Variants in EXOC4 observed in about 807,000 individuals in gnomAD.
EXOC4 encodes exocyst complex component 4.
EXOC4 carries 71 observed loss-of-function variants against 107.2 expected under a neutral mutation model. The observed-to-expected ratio is 0.66, with a 90% confidence interval of 0.55 to 0.81. EXOC4 has a LOEUF of 0.81. Ranked by LOEUF, EXOC4 falls within the 30% of genes least tolerant of loss-of-function variation. EXOC4 has a pLI of 0.00. For synonymous variants in EXOC4, 456 were observed against 441.2 expected (o/e 1.03, Z -0.42); for missense variants, 1,108 against 1,189.6 (o/e 0.93, Z 1.01).
Position 133,305,867 on chromosome 7 carries a change from C to G in EXOC4, c.472-10C>G, listed in dbSNP as rs780737574. ...GTACTTAATTGTCTTTCATTTTTTT[C>G]TCTTTTCAGGTGTCAGCAGTTGAGT... is the stretch of plus-strand genomic sequence containing the variant. On this transcript the variant is annotated splice_polypyrimidine_tract_variant and intron_variant, in intron 3 of 17. Transcript: ENST00000253861. 18 of 1,553,902 alleles carry G rather than the reference C, an allele frequency of 1.2e-5. No individual in the cohort carries two copies. In the African/African-American group the frequency reaches 2.4e-4, roughly 20 times the overall value.
intron 7 of EXOC4, among the ~76,000 whole-genome samples, chr7:133,389,334 G>T (rs929358729): frequency 6.6e-6 from 1 of 152,100 alleles, no homozygotes; most frequent in Non-Finnish European, 1.5e-5. Context: ...ACTTTGGAAG[G>T]CCAAGGCCAG....
chr7:133,589,986 C>T (rs1036375625), intron 9 of EXOC4, among the ~76,000 whole-genome samples: 2 of 152,034 alleles, frequency 1.3e-5, no homozygotes, highest in South Asian at 2.1e-4. Flanking sequence ...GTGAGGAGAG[C>T]GGAATTTATT....
intron 4 of EXOC4, among the ~76,000 whole-genome samples, chr7:133,313,087 T>C (rs2150576321): frequency 6.6e-6 from 1 of 151,938 alleles, no homozygotes; most frequent in South Asian, 2.1e-4. Context: ...TTTTGTCTTT[T>C]AAAGATTTTT....
chr7:133,438,450 G>A (rs11772553), intron 7 of EXOC4, among the ~76,000 whole-genome samples: 21,997 of 152,036 alleles, frequency 0.14, 1,973 homozygotes, highest in Non-Finnish European at 0.2. Flanking sequence ...TAAATATTAT[G>A]ACATTAGTTT....
intron 14 of EXOC4, among the ~76,000 whole-genome samples, chr7:133,983,216 G>C (rs1315227172): frequency 6.6e-6 from 1 of 152,050 alleles, no homozygotes; most frequent in Non-Finnish European, 1.5e-5. Flanking sequence ...CAAGCCCTAA[G>C]GGATCCTCCC....
rs1460318231 is a variant in EXOC4 at position 133,823,890 on chromosome 7, A to AAAT, written c.1734+6346_1734+6347insAAT. On this transcript the variant is annotated intron_variant, in intron 11 of 17. Transcript: ENST00000253861. ...ATATATATTATATATATATATATAT[A>AAAT]TATTTTATATATATATATATAAATA... Among the ~76,000 whole-genome samples, 18 of 21,724 alleles carry AAAT rather than the reference A, an allele frequency of 8.3e-4. No homozygotes were observed. In the African/African-American group the frequency reaches 0.01, roughly 12 times the overall value. 14.3% of individuals were successfully genotyped at this position (21,724 alleles called of 152,430 possible). A position where few individuals can be genotyped will look rare whatever the true frequency, so the allele number is the denominator to read the frequency against.
intron 5 of EXOC4, among the ~76,000 whole-genome samples, chr7:133,352,870 T>A (rs1231952700): frequency 6.6e-6 from 1 of 152,056 alleles, no homozygotes; most frequent in African/African-American, 2.4e-5. Flanking sequence ...GTTATAACTC[T>A]CTAACTTGAA....
chr7:133,920,490 A>G (rs756227437), intron 13 of EXOC4, among the ~76,000 whole-genome samples: 5 of 151,850 alleles, frequency 3.3e-5, no homozygotes, highest in African/African-American at 4.8e-5. Flanking sequence ...TACACCTTGC[A>G]TTCATCGTAT....
At chr7:133,971,599 AAAAC>A (rs1336990896) in intron 14 of EXOC4, among the ~76,000 whole-genome samples, 1 of 151,926 alleles carries the variant, frequency 6.6e-6, no homozygotes, top group Non-Finnish European at 1.5e-5. Context: ...AAACTAATGG[AAAAC>A]AAACCTTTTT....
At chr7:134,026,422 A>G (rs770108477) in intron 17 of EXOC4, among the ~76,000 whole-genome samples, 52 of 151,628 alleles carry the variant, frequency 3.4e-4, no homozygotes, top group Admixed American at 9.9e-4. Flanking sequence ...GACAATTTCA[A>G]ATCACCCACC....
intron 10 of EXOC4, among the ~76,000 whole-genome samples, chr7:133,710,412 A>G (rs12669988): frequency 0.99 from 150,045 of 152,124 alleles, 74,045 homozygotes; most frequent in Middle Eastern, 1. Context: ...TGTAATCCCA[A>G]CACTTTGGGA....
intron 7 of EXOC4, among the ~76,000 whole-genome samples, chr7:133,464,811 G>GTTT (rs3046149): frequency 0.37 from 19,043 of 51,532 alleles, 5,774 homozygotes; most frequent in South Asian, 0.52. Context: ...GGTTGGGTTG[G>GTTT]TTTTTTTTTT....
chr7:133,417,876 T>C (rs1797515325), intron 7 of EXOC4, among the ~76,000 whole-genome samples: 1 of 152,182 alleles, frequency 6.6e-6, no homozygotes, highest in African/African-American at 2.4e-5. Flanking sequence ...TAGAATTCTT[T>C]ATAGATTTCT....
chr7:133,765,428 C>T (rs1010897375), intron 10 of EXOC4, among the ~76,000 whole-genome samples: 8 of 151,886 alleles, frequency 5.3e-5, no homozygotes, highest in African/African-American at 7.3e-5. Flanking sequence ...AAACCCAAGG[C>T]GAATAGAATA....
At chr7:133,945,230 C>A (rs1030104592) in intron 14 of EXOC4, among the ~76,000 whole-genome samples, 1 of 152,172 alleles carries the variant, frequency 6.6e-6, no homozygotes. Context: ...TCAGCCTCAT[C>A]GCATTAGAAA....
intron 10 of EXOC4, among the ~76,000 whole-genome samples, chr7:133,697,952 G>A (rs1324143495): frequency 6.6e-6 from 1 of 152,184 alleles, no homozygotes; most frequent in Non-Finnish European, 1.5e-5. Context: ...AGGACTCAGA[G>A]GAGGCTGGCT....
the EXOC4 span, among the ~76,000 whole-genome samples, chr7:134,099,677 C>T: frequency 2.7e-3 from 407 of 151,662 alleles, 8 homozygotes; most frequent in African/African-American, 9.1e-3. Flanking sequence ...ACTACAGGCA[C>T]CCGCCACCTC....
intron 10 of EXOC4, among the ~76,000 whole-genome samples, chr7:133,755,244 ATATATATATTATATATATATTATATATAT>A (rs1231883586): frequency 4.9e-5 from 4 of 82,324 alleles, no homozygotes; most frequent in Admixed American, 3.8e-4. Flanking sequence ...AATATATATA[ATATATATATTATATATATATTATATATAT>A]TATATATATT....
chr7:134,037,954 T>G (rs1266731137), intron 17 of EXOC4, among the ~76,000 whole-genome samples: 1 of 151,104 alleles, frequency 6.6e-6, no homozygotes, highest in Admixed American at 6.6e-5. Flanking sequence ...TCCCGGGGAG[T>G]TTTTTCAAAA....
Sources: gnomAD v4.1 joint callset for allele counts (sites outside exome capture counted in the v4.1 genomes callset) on GRCh38, gnomAD v4.1.1 for gene constraint, MANE v1.5 for transcripts, NCBI Gene and HGNC (gene_info 2026-07-23, HGNC 2026-07-21) for gene names.